TRIM9: variants seen among roughly 807,000 people sequenced by gnomAD.
TRIM9 encodes tripartite motif containing 9.
A neutral mutation model predicts 78.3 loss-of-function variants in TRIM9; 26 were observed. The ratio of observed to expected loss-of-function variants is 0.33; its 90% CI spans 0.24 to 0.46. The LOEUF is 0.46. Among genes scored for constraint, TRIM9 ranks in the 20% least tolerant of loss-of-function variants. TRIM9 has a pLI of 1.00. For synonymous variants in TRIM9, 398 were observed against 416.5 expected (o/e 0.96, Z 0.54); for missense variants, 787 against 1,036.4 (o/e 0.76, Z 3.30).
intron 3 of TRIM9, among the ~76,000 whole-genome samples, chr14:51,021,166 G>A (rs2057726201): frequency 6.6e-6 from 1 of 152,174 alleles, no homozygotes; most frequent in South Asian, 2.1e-4. Flanking sequence ...GGGCTATAGT[G>A]ACAGTTTTTT....
intron 9 of TRIM9, 135 bp downstream of exon 9, chr14:50,983,244 GA>G (rs2052219421): frequency 2.6e-6 from 2 of 755,126 alleles, no homozygotes; most frequent in Admixed American, 3.0e-5. Context: ...AAGAGTTTGA[GA>G]AACTGCTATA....
chr14:51,064,872 CAT>C (rs1476348319), intron 1 of TRIM9, among the ~76,000 whole-genome samples: 1 of 151,924 alleles, frequency 6.6e-6, no homozygotes, highest in African/African-American at 2.4e-5. Context: ...CATAATAAAT[CAT>C]AAATTATATC....
At chr14:51,055,843 T>G (rs893689018) in intron 1 of TRIM9, among the ~76,000 whole-genome samples, 5 of 152,212 alleles carry the variant, frequency 3.3e-5, no homozygotes, top group Non-Finnish European at 5.9e-5. Context: ...TTAGAACCCA[T>G]GAATACAATA....
chr14:51,075,763 T>C lies in TRIM9; in HGVS notation c.822+18355A>G, dbSNP rs80216943. On this transcript the variant is annotated intron_variant, in intron 1 of 12. Coordinates refer to ENST00000684578, the MANE Select transcript of TRIM9 (RefSeq NM_001387360.1). ...TCTCAAAACTTCCCAAGGCGGGGAG[T>C]GGGTCTGATCGATCTGAATTTCTCA... is the stretch of plus-strand genomic sequence containing the variant. Among the ~76,000 whole-genome samples the C allele has an allele frequency of 1.6e-3, 239 of 151,968 alleles. 8 individuals carry two copies. In the East Asian group the frequency reaches 0.041, roughly 26 times the overall value.
At chr14:50,997,026 T>C in intron 7 of TRIM9, 8 of 985,432 alleles carry the variant, frequency 8.1e-6, no homozygotes, top group Non-Finnish European at 9.6e-6. Flanking sequence ...ATAGTTCTTT[T>C]AGCTAACATC....
intron 1 of TRIM9, among the ~76,000 whole-genome samples, chr14:51,065,904 G>A (rs1404065095): frequency 1.3e-5 from 2 of 152,004 alleles, no homozygotes; most frequent in African/African-American, 4.8e-5. Context: ...CAAAGAGTTT[G>A]TTAAAGTGAA....
At chr14:51,008,210 G>A (rs1048975426) in intron 5 of TRIM9, among the ~76,000 whole-genome samples, 2 of 152,136 alleles carry the variant, frequency 1.3e-5, no homozygotes, top group Admixed American at 1.3e-4. Context: ...GTATCCCGAT[G>A]CAGTGGTGAT....
chr14:51,079,949 T>A (rs147299319), intron 1 of TRIM9, among the ~76,000 whole-genome samples: 2 of 152,248 alleles, frequency 1.3e-5, no homozygotes, highest in Admixed American at 1.3e-4. Flanking sequence ...TAGAGAGTGC[T>A]AGTGGTAAGA....
intron 7 of TRIM9, chr14:50,996,022 A>T: frequency 1.2e-6 from 1 of 863,910 alleles, no homozygotes. Flanking sequence ...TGTCTCACTG[A>T]ATGTATTAGA....
chr14:50,977,026 G>A lies in TRIM9; in HGVS notation c.*265C>T, dbSNP rs964017682. 5.9e-6 allele frequency: 2 copies of A among 337,040 alleles called. No individual in the cohort carries two copies. Among genetic ancestry groups the A allele is most frequent in the Admixed American group, 9.6e-5 (2 of 20,776 alleles). The allele number at this position is 337,040 out of a possible 1,614,324, so 20.9% of individuals were successfully genotyped here. ...TAAATAAAAGCAAAATCTGGGAGTGGGAACCAAGTGACTTGGTGGGCTGTC... is the reference window on the plus strand; with the variant it reads ...TAAATAAAAGCAAAATCTGGGAGTGAGAACCAAGTGACTTGGTGGGCTGTC... On this transcript the variant is annotated 3_prime_UTR_variant, in exon 13 of 13. Coordinates refer to ENST00000684578, the MANE Select transcript of TRIM9 (RefSeq NM_001387360.1).
intron 7 of TRIM9, chr14:50,997,555 C>T (rs952455261): frequency 1.0e-6 from 1 of 997,294 alleles, no homozygotes; most frequent in Non-Finnish European, 1.2e-6. Context: ...CTCTAAACAG[C>T]TCTAGCACCC....
At chr14:50,997,512 A>G (rs1158776378) in intron 7 of TRIM9, 1 of 986,336 alleles carries the variant, frequency 1.0e-6, no homozygotes, top group African/African-American at 1.7e-5. Flanking sequence ...GAGGCAGTCT[A>G]AGTGGGTAAG....
Position 51,070,086 on chromosome 14 carries a change from T to C in TRIM9, c.822+24032A>G, listed in dbSNP as rs144558042. Among the ~76,000 whole-genome samples, 44 of 152,336 alleles carry C rather than the reference T, an allele frequency of 2.9e-4. No individual in the cohort carries two copies. The East Asian group carries it at 6.2e-3, about 21-fold the overall frequency. ...TGTACTTTTCATGGTATATTCAGTG[T>C]CATGTTTTTCATTTTGGTGCTTTTT... On this transcript the variant is annotated intron_variant, in intron 1 of 12. Coordinates refer to ENST00000684578, the MANE Select transcript of TRIM9 (RefSeq NM_001387360.1).
At chr14:51,007,067 AT>A (rs2055905024) in intron 5 of TRIM9, among the ~76,000 whole-genome samples, 1 of 152,052 alleles carries the variant, frequency 6.6e-6, no homozygotes, top group African/African-American at 2.4e-5. Context: ...GGAGGAGAGG[AT>A]TTTGACAGAT....
At chr14:51,051,956 C>T (rs1407260269) in intron 1 of TRIM9, among the ~76,000 whole-genome samples, 1 of 140,742 alleles carries the variant, frequency 7.1e-6, no homozygotes, top group Non-Finnish European at 1.5e-5. Context: ...AACAGAGACC[C>T]TGTCTTGAAA....
intron 8 of TRIM9, 48 bp downstream of exon 8, chr14:50,985,908 C>A: frequency 7.2e-7 from 1 of 1,388,444 alleles, no homozygotes; most frequent in South Asian, 1.9e-5. Flanking sequence ...TCAGAGATGC[C>A]TTCAAGGCAC....
chr14:50,975,791 C>T lies in TRIM9; in HGVS notation c.*1500G>A, dbSNP rs2051051524. 1 of 152,616 alleles carries T rather than the reference C, an allele frequency of 6.6e-6. No homozygotes were observed. The highest frequency in any genetic ancestry group is 2.4e-5 in the African/African-American group (1 of 41,438). 9.5% of individuals were successfully genotyped at this position (152,616 alleles called of 1,614,324 possible). ...AACTAATTAGAACTTCTTTCCGGGTCCTACCTTTCCTAAAACTTTATGACA... is the reference window on the plus strand; with the variant it reads ...AACTAATTAGAACTTCTTTCCGGGTTCTACCTTTCCTAAAACTTTATGACA... On this transcript the variant is annotated 3_prime_UTR_variant, in exon 13 of 13. Coordinates refer to ENST00000684578, the MANE Select transcript of TRIM9 (RefSeq NM_001387360.1).
intron 5 of TRIM9, among the ~76,000 whole-genome samples, chr14:51,008,756 C>T (rs1306952606): frequency 3.9e-5 from 6 of 152,200 alleles, no homozygotes; most frequent in Admixed American, 1.3e-4. Context: ...ATCAATATTT[C>T]TGGATTCCTT....
At chr14:50,992,415 G>A (rs1163466438) in intron 7 of TRIM9, among the ~76,000 whole-genome samples, 5 of 133,930 alleles carry the variant, frequency 3.7e-5, no homozygotes, top group African/African-American at 1.1e-4. Context: ...CTGTCTCTAC[G>A]GAAAAAAAAA....
Sources: gnomAD v4.1 joint callset for allele counts (sites outside exome capture counted in the v4.1 genomes callset) on GRCh38, gnomAD v4.1.1 for gene constraint, MANE v1.5 for transcripts, NCBI Gene and HGNC (gene_info 2026-07-23, HGNC 2026-07-21) for gene names.